The following CYP4A11 variants were observed in gnomAD, a reference collection of about 807,000 sequenced individuals.
CYP4A11 encodes the protein cytochrome P450 family 4 subfamily A member 11, also known as cytochrome P450 4A11.
A neutral mutation model predicts 57.7 loss-of-function variants in CYP4A11; 52 were observed. That is an observed-to-expected ratio of 0.90 (90% CI 0.72 to 1.14). CYP4A11 has a LOEUF of 1.14. Among genes scored for constraint, CYP4A11 ranks in the 50% most tolerant of loss-of-function variants. The pLI, the probability that CYP4A11 is intolerant of heterozygous loss-of-function variation, is 0.00. For synonymous variants in CYP4A11, 228 were observed against 247.1 expected, an observed-to-expected ratio of 0.92 and a Z score of 0.72; for missense variants, 641 against 642.1, an observed-to-expected ratio of 1.00 and a Z score of 0.02.
chr1:46,932,801 G>A lies in CYP4A11; in HGVS notation c.1324C>T (p.Gln442Ter), dbSNP rs1309565791. Residue 442 changes from glutamine to a stop codon, truncating the protein, a stop_gained, in exon 11 of 12, where the codon CAA (glutamine) becomes TAA (stop). Transcript: ENST00000310638. LOFTEE classifies it low-confidence loss of function (END_TRUNC). The stretch of plus-strand genomic sequence containing the variant: ...AAGGGCAGGAAAGCGTGGCTGTGTT[G>A]AGCAGAACCCGGTGCAAAACGGAAA... ...DPFRFAPGSA[Q>*]HSHAFLPFSG... The A allele has an allele frequency of 2.5e-6, 4 of 1,614,186 alleles. No individual in the cohort carries two copies. Among genetic ancestry groups the A allele is most frequent in the Admixed American group, 3.3e-5 (2 of 60,018 alleles).
chr1:46,937,158 G>T (rs1557557847), intron 3 of CYP4A11, 144 bp downstream of exon 3: 1 of 1,020,200 alleles, frequency 9.8e-7, no homozygotes, highest in Non-Finnish European at 1.4e-6. Flanking sequence ...AAGGGGTGAG[G>T]GTCTTGTTAG....
intron 9 of CYP4A11, 120 bp downstream of exon 9, chr1:46,933,826 G>T (rs1454436144): frequency 7.2e-5 from 105 of 1,451,998 alleles, no homozygotes; most frequent in Admixed American, 2.6e-5. Context: ...GTATGTTTTT[G>T]ATTTTTTTAG....
chr1:46,934,429 C>T (rs1172668456), intron 7 of CYP4A11, 24 bp downstream of exon 7: 1 of 1,609,416 alleles, frequency 6.2e-7, no homozygotes, highest in Non-Finnish European at 8.5e-7. Context: ...GGCAAAGACT[C>T]AGGCCTCTCC....
At chr1:46,936,440 T>C (rs2148460987) in intron 4 of CYP4A11, among the ~76,000 whole-genome samples, 1 of 152,358 alleles carries the variant, frequency 6.6e-6, no homozygotes, top group African/African-American at 2.4e-5. Flanking sequence ...ACCATGAATC[T>C]CTATTCCTAT....
Position 46,929,968 on chromosome 1 carries a change from G to A in CYP4A11, c.*147C>T, listed in dbSNP as rs1190819353. 9.9e-5 allele frequency: 109 copies of A among 1,102,480 alleles called. No homozygotes were observed. Among genetic ancestry groups the A allele is most frequent in the Admixed American group, 1.5e-4 (5 of 34,452 alleles). 68.3% of individuals were successfully genotyped at this position (1,102,480 alleles called of 1,614,324 possible). The stretch of plus-strand genomic sequence containing the variant: ...TAGACAAGCAGGTAGGGAGCCTGGA[G>A]AAAGGTGAGAGAGAGAAGGGCAGGC... On this transcript the variant is annotated 3_prime_UTR_variant, in exon 12 of 12. Transcript: ENST00000310638.
intron 3 of CYP4A11, 110 bp from the exon 4 acceptor site, chr1:46,936,901 C>A: frequency 6.8e-7 from 1 of 1,464,108 alleles, no homozygotes. Flanking sequence ...AGAAAGGTGG[C>A]TTCTCAAGGG....
intron 3 of CYP4A11, 43 bp from the exon 4 acceptor site, chr1:46,936,834 TG>T: frequency 3.2e-6 from 5 of 1,569,860 alleles, no homozygotes; most frequent in Non-Finnish European, 4.3e-6. Flanking sequence ...TGTGTGTGTG[TG>T]TGTGTGTGTC....
chr1:46,938,067 C>G lies in CYP4A11; in HGVS notation c.266G>C (p.Trp89Ser). The G allele has an allele frequency of 1.2e-6, 2 of 1,614,186 alleles. No homozygotes were observed. The highest frequency in any genetic ancestry group is 4.5e-5 in the East Asian group (2 of 44,880). Residue 89 changes from tryptophan to serine, a missense_variant, in exon 2 of 12, where the codon TGG (tryptophan) becomes TCG (serine). Transcript: ENST00000310638. ...GACACGAACTTTGCCTCCCCATAGC[C>G]AATGAGGACAGGCACTTGGGAATGT... is the stretch of plus-strand genomic sequence containing the variant. ...VETFPSACPH[W>S]LWGGKVRVQL... is the part of the protein sequence containing the mutation.
intron 11 of CYP4A11, among the ~76,000 whole-genome samples, chr1:46,931,030 C>T (rs1315476663): frequency 6.6e-6 from 1 of 152,188 alleles, no homozygotes. Flanking sequence ...GAAGCCACAG[C>T]CCAGCTCAGA....
Position 46,935,472 on chromosome 1 carries a change from C to T in CYP4A11, c.635+51G>A, listed in dbSNP as rs199768508. 3.4e-3 allele frequency: 5,242 copies of T among 1,555,296 alleles called. 12 individuals are homozygous for T. Among genetic ancestry groups the T allele is most frequent in the Non-Finnish European group, 4.1e-3 (4,771 of 1,156,354 alleles). Reference sequence around the variant, plus strand: ...GCCCCACCTGCCCCTCAGGTATGTGCACTCCACTTGATAAGAACAAGGGCC... The same window carrying T: ...GCCCCACCTGCCCCTCAGGTATGTGTACTCCACTTGATAAGAACAAGGGCC... On this transcript the variant is annotated intron_variant, in intron 5 of 11. Coordinates refer to ENST00000310638, the MANE Select transcript of CYP4A11 (RefSeq NM_000778.4).
At position 46,938,137 on chromosome 1, in the gene CYP4A11, G is replaced by A. The variant is rs148145351; in HGVS notation, c.196C>T (p.Leu66Phe). 5 of 1,614,192 alleles carry A rather than the reference G, an allele frequency of 3.1e-6. No homozygotes were observed. The highest frequency in any genetic ancestry group is 4.2e-6 in the Non-Finnish European group (5 of 1,180,036). Residue 66 changes from leucine (L) to phenylalanine (F), a missense_variant and splice_region_variant, in exon 2 of 12, where the codon CTC (leucine) becomes TTC (phenylalanine). Leu to Phe is a conservative substitution (Grantham distance 22). Coordinates refer to ENST00000310638, the MANE Select transcript of CYP4A11 (RefSeq NM_000778.4). ...CGTTGTAGCTCCTGGTCCTGTTGGA[G>A]CTGTCAACAAGGGTAGACAGATGAA... The part of the protein sequence containing the change: ...SHWLFGHIQE[L>F]QQDQELQRIQ...
rs746393531 is a variant in CYP4A11 at position 46,941,206 on chromosome 1, G to C, written c.195+33C>G. 2.6e-5 allele frequency: 42 copies of C among 1,594,910 alleles called. No homozygotes were observed. The South Asian group carries it at 4.1e-4, about 15-fold the overall frequency. The stretch of plus-strand genomic sequence containing the variant: ...GGGTCTCAGAGCCCCATCCCTCTTT[G>C]CCCTCCCACTCCCCCATTGAGTTCC... On this transcript the variant is annotated intron_variant, in intron 1 of 11. Coordinates refer to ENST00000310638, the MANE Select transcript of CYP4A11 (RefSeq NM_000778.4).
chr1:46,935,923 G>T (rs1410100119), intron 4 of CYP4A11, among the ~76,000 whole-genome samples: 1 of 152,224 alleles, frequency 6.6e-6, no homozygotes, highest in Non-Finnish European at 1.5e-5. Flanking sequence ...TTGAGATTCA[G>T]TTAGGACATA....
At chr1:46,938,653 T>C (rs1284322399) in intron 1 of CYP4A11, among the ~76,000 whole-genome samples, 1 of 152,226 alleles carries the variant, frequency 6.6e-6, no homozygotes, top group Non-Finnish European at 1.5e-5. Flanking sequence ...ATTGTGTGCA[T>C]AATAGTATTC....
chr1:46,937,789 A>C (rs1348378272), intron 2 of CYP4A11, among the ~76,000 whole-genome samples: 1 of 152,162 alleles, frequency 6.6e-6, no homozygotes, highest in African/African-American at 2.4e-5. Flanking sequence ...AAAAGAATAG[A>C]AAATTCAGCC....
chr1:46,935,081 G>T lies in CYP4A11; in HGVS notation c.709C>A (p.His237Asn). The T allele has an allele frequency of 6.2e-7, 1 of 1,614,196 alleles. No individual in the cohort carries two copies. Among genetic ancestry groups the T allele is most frequent in the Non-Finnish European group, 8.5e-7 (1 of 1,180,044 alleles). Residue 237 changes from histidine (H) to asparagine (N), a missense_variant, in exon 6 of 12, where the codon CAC becomes AAC. Coordinates refer to ENST00000310638, the MANE Select transcript of CYP4A11 (RefSeq NM_000778.4). ...LVFSRVRNAF[H>N]QNDTIYSLTS... is the part of the protein sequence containing the mutation. ...AGGCTGTAGATGGTGTCATTCTGGT[G>T]AAAGGCATTCCTCACACGGGAAAAA...
At chr1:46,933,170 G>A (rs1570064741) in intron 9 of CYP4A11, 123 bp from the exon 10 acceptor site, 4 of 1,407,682 alleles carry the variant, frequency 2.8e-6, no homozygotes, top group East Asian at 2.3e-5. Context: ...CACTTTGACT[G>A]GGATGATTCT....
At position 46,938,178 on chromosome 1, in the gene CYP4A11, C is replaced by A. The variant is rs1681535940; in HGVS notation, c.196-41G>T. The A allele has an allele frequency of 2.5e-6, 4 of 1,612,380 alleles. No individual in the cohort carries two copies. The South Asian group carries it at 4.4e-5, about 18-fold the overall frequency. ...GACAGATGAACACTTTCATTTACTT[C>A]TAGTCTTTGCAGCAGGAGTGAAGGG... is the stretch of plus-strand genomic sequence containing the variant. On this transcript the variant is annotated intron_variant, in intron 1 of 11. Coordinates refer to ENST00000310638, the MANE Select transcript of CYP4A11 (RefSeq NM_000778.4).
intron 11 of CYP4A11, chr1:46,931,606 C>A (rs1681032491): frequency 2.9e-6 from 2 of 695,638 alleles, no homozygotes; most frequent in South Asian, 1.3e-4. Flanking sequence ...TAGAAATGGA[C>A]CTTAGGAATG....
Sources: gnomAD v4.1 joint callset for allele counts (sites outside exome capture counted in the v4.1 genomes callset) on GRCh38, gnomAD v4.1.1 for gene constraint, MANE v1.5 for transcripts, NCBI Gene and HGNC (gene_info 2026-07-23, HGNC 2026-07-21) for gene names.